The following IFT27 variants were observed in gnomAD, a reference collection of about 807,000 sequenced individuals.
IFT27 encodes the protein intraflagellar transport protein 27 homolog.
Under a neutral mutation model 23.9 loss-of-function variants are expected in IFT27, and 19 were observed. The observed-to-expected ratio is 0.79, with a 90% CI of 0.55 to 1.16. The LOEUF (loss-of-function observed/expected upper bound fraction) is 1.16. Ranked by LOEUF, IFT27 falls within the 50% of genes most tolerant of loss-of-function variation. The pLI, the probability that IFT27 is intolerant of heterozygous loss-of-function variation, is 0.00. For synonymous variants in IFT27, 91 were observed against 89.1 expected, an observed-to-expected ratio of 1.02 and a Z score of -0.12; for missense variants, 206 against 228.7, an observed-to-expected ratio of 0.90 and a Z score of 0.64.
At chr22:36,775,356 G>GTTTGT (rs145289357) in intron 1 of IFT27, among the ~76,000 whole-genome samples, 4 of 152,102 alleles carry the variant, frequency 2.6e-5, no homozygotes, top group African/African-American at 4.8e-5. Flanking sequence ...CTTAAGCTTT[G>GTTTGT]TTTGTTTTGT....
intron 6 of IFT27, chr22:36,760,959 G>A (rs1938074423): frequency 6.0e-6 from 1 of 167,094 alleles, no homozygotes; most frequent in Admixed American, 6.5e-5. Flanking sequence ...GATGAGCTTG[G>A]CGCCAGCCCT....
intron 6 of IFT27, chr22:36,762,568 G>A (rs760378343): frequency 1.2e-4 from 22 of 177,472 alleles, no homozygotes; most frequent in Non-Finnish European, 2.1e-4. Context: ...AGGACTGGTT[G>A]TGAGAGCCAC....
intron 1 of IFT27, among the ~76,000 whole-genome samples, chr22:36,775,193 C>CA (rs1459023688): frequency 2.6e-5 from 4 of 152,060 alleles, no homozygotes; most frequent in Admixed American, 2.6e-4. Context: ...AGACAACACA[C>CA]AAGTGCCTTT....
intron 6 of IFT27, chr22:36,759,481 C>T (rs991809469): frequency 7.9e-5 from 12 of 152,152 alleles, no homozygotes; most frequent in African/African-American, 2.9e-4. Context: ...CTCCAGGGTG[C>T]ACAGGGACAG....
intron 6 of IFT27, chr22:36,760,108 G>A (rs1164706352): frequency 6.6e-6 from 1 of 152,280 alleles, no homozygotes; most frequent in African/African-American, 2.4e-5. Flanking sequence ...TCACCGTCCA[G>A]CTGGACACGA....
chr22:36,767,457 G>T, intron 2 of IFT27, 92 bp from the exon 3 acceptor site: 2 of 1,128,848 alleles, frequency 1.8e-6, no homozygotes, highest in Non-Finnish European at 2.6e-6. Context: ...TCCCAGGAGG[G>T]CTATCTCCAG....
chr22:36,760,864 G>A (rs1160122639), intron 6 of IFT27: 1 of 167,152 alleles, frequency 6.0e-6, no homozygotes, highest in Non-Finnish European at 1.5e-5. Flanking sequence ...AGTGATCAGC[G>A]CGGATTGTTC....
intron 6 of IFT27, chr22:36,760,993 G>T (rs1361149665): frequency 1.8e-5 from 3 of 166,758 alleles, no homozygotes; most frequent in African/African-American, 7.2e-5. Context: ...AGCTGCGTTT[G>T]CTTATATTTC....
intron 6 of IFT27, 128 bp downstream of exon 6, chr22:36,762,776 A>G (rs1938125820): frequency 6.0e-6 from 3 of 495,968 alleles, no homozygotes; most frequent in Middle Eastern, 1.1e-3. Flanking sequence ...TAAGAATGTA[A>G]ACATCAGTTC....
intron 1 of IFT27, among the ~76,000 whole-genome samples, chr22:36,773,998 A>T (rs1039738511): frequency 6.7e-6 from 1 of 149,560 alleles, no homozygotes; most frequent in Admixed American, 6.7e-5. Flanking sequence ...AAGCCCATTT[A>T]AAAAAAAAAG....
rs558085153 is a variant in IFT27 at position 36,767,071 on chromosome 22, T to C, written c.174+235A>G. 1.3e-5 allele frequency: 5 copies of C among 386,176 alleles called. No individual in the cohort carries two copies. In the South Asian group the frequency reaches 1.3e-4, roughly 10 times the overall value. The allele number at this position is 386,176 out of a possible 1,614,324, so 23.9% of individuals were successfully genotyped here. On this transcript the variant is annotated intron_variant, in intron 3 of 6. Coordinates refer to ENST00000433985, the MANE Select transcript of IFT27 (RefSeq NM_001177701.3). Reference sequence around the variant, plus strand: ...CCATAAAGAGACTCAAGAACCTTGATAGTAGAGAACAAGTTCCTCAAGGGC... The same window carrying C: ...CCATAAAGAGACTCAAGAACCTTGACAGTAGAGAACAAGTTCCTCAAGGGC...
At position 36,766,201 on chromosome 22, in the gene IFT27, C is replaced by A. The variant is rs1455459295; in HGVS notation, c.175-4G>T. ...CAGAGTCAAAAATGAAGAGTTCCTA[C>A]AATCAGAAAAGCAAGAAAAGTCTCC... On this transcript the variant is annotated splice_region_variant and splice_polypyrimidine_tract_variant and intron_variant, in intron 3 of 6. Coordinates refer to ENST00000433985, the MANE Select transcript of IFT27 (RefSeq NM_001177701.3). 4 of 1,613,812 alleles carry A rather than the reference C, an allele frequency of 2.5e-6. No individual in the cohort carries two copies. Among genetic ancestry groups the A allele is most frequent in the South Asian group, 1.1e-5 (1 of 91,082 alleles).
chr22:36,764,422 C>T (rs148384228), intron 4 of IFT27, among the ~76,000 whole-genome samples: 2 of 152,362 alleles, frequency 1.3e-5, no homozygotes, highest in Non-Finnish European at 2.9e-5. Context: ...ACAAAGACAA[C>T]GATGACAGAG....
At chr22:36,767,998 G>T in intron 1 of IFT27, 136 bp from the exon 2 acceptor site, 1 of 819,880 alleles carries the variant, frequency 1.2e-6, no homozygotes, top group Non-Finnish European at 2.2e-6. Context: ...ACGGGAACTT[G>T]TTCTGAGGCC....
chr22:36,768,220 T>C (rs1191883440), intron 1 of IFT27: 2 of 397,388 alleles, frequency 5.0e-6, no homozygotes, highest in Non-Finnish European at 1.0e-5. Context: ...GAATTTACTT[T>C]GAAGTCTTGA....
At chr22:36,762,418 G>A (rs1316345433) in intron 6 of IFT27, 1 of 152,538 alleles carries the variant, frequency 6.6e-6, no homozygotes, top group Non-Finnish European at 1.5e-5. Flanking sequence ...GCAGCAAGGT[G>A]AGGATGGGTG....
intron 4 of IFT27, among the ~76,000 whole-genome samples, chr22:36,765,339 C>A (rs1430370744): frequency 6.6e-6 from 1 of 152,094 alleles, no homozygotes; most frequent in Non-Finnish European, 1.5e-5. Flanking sequence ...GGCACATGGC[C>A]TGGATTTGCC....
Position 36,776,077 on chromosome 22 carries a change from T to G in IFT27, c.-370A>C. On this transcript the variant is annotated 5_prime_UTR_variant, in exon 1 of 7. Transcript: ENST00000433985. Reference sequence around the variant, plus strand: ...GATCCGGCTCTCCTCCGATCACAAGTACCGGGCCGGATGCACTCTCCAAGC... The same window carrying G: ...GATCCGGCTCTCCTCCGATCACAAGGACCGGGCCGGATGCACTCTCCAAGC... 6.6e-6 allele frequency: 2 copies of G among 304,278 alleles called. No individual in the cohort carries two copies. The highest frequency in any genetic ancestry group is 4.3e-5 in the Admixed American group (1 of 23,480). 18.8% of individuals were successfully genotyped at this position (304,278 alleles called of 1,614,324 possible). A position where few individuals can be genotyped will look rare whatever the true frequency, so the allele number is the denominator to read the frequency against.
At position 36,775,754 on chromosome 22, in the gene IFT27, G is replaced by T; in HGVS notation, c.-47C>A. 2 of 1,607,928 alleles carry T rather than the reference G, an allele frequency of 1.2e-6. No individual in the cohort carries two copies. The highest frequency in any genetic ancestry group is 1.7e-6 in the Non-Finnish European group (2 of 1,174,470). Reference sequence around the variant, plus strand: ...CCGTACCCAGAGGACAAGAGCGGCTGCTAGAGACGCGAGTGGGTGGGCTTC... The same window carrying T: ...CCGTACCCAGAGGACAAGAGCGGCTTCTAGAGACGCGAGTGGGTGGGCTTC... On this transcript the variant is annotated 5_prime_UTR_variant, in exon 1 of 7. Transcript: ENST00000433985.
Sources: allele counts gnomAD v4.1 joint callset (sites outside exome capture counted in the v4.1 genomes callset), GRCh38; gene constraint gnomAD v4.1.1; transcripts MANE v1.5; gene names NCBI Gene and HGNC (gene_info 2026-07-23, HGNC 2026-07-21).